The following UXS1 variants were observed in gnomAD, a reference collection of about 807,000 sequenced individuals.
The protein encoded by UXS1 is UDP-glucuronate decarboxylase 1, also known as UDP-glucuronic acid decarboxylase 1.
A neutral mutation model predicts 62.6 loss-of-function variants in UXS1; 33 were observed. The ratio of observed to expected loss-of-function variants is 0.53; its 90% confidence interval spans 0.40 to 0.70. The LOEUF is 0.70. Ranked by LOEUF, UXS1 falls within the 30% of genes least tolerant of loss-of-function variation. The pLI is 0.00. For synonymous variants in UXS1, 213 were observed against 206.8 expected, an observed-to-expected ratio of 1.03 and a Z score of -0.26; for missense variants, 434 against 556.3, an observed-to-expected ratio of 0.78 and a Z score of 2.21.
intron 10 of UXS1, among the ~76,000 whole-genome samples, chr2:106,108,660 C>T (rs544674707): frequency 1.1e-4 from 17 of 152,086 alleles, no homozygotes; most frequent in South Asian, 4.2e-4. Flanking sequence ...TACTGGGGGC[C>T]GGGGAACGAA....
intron 1 of UXS1, among the ~76,000 whole-genome samples, chr2:106,176,421 C>T (rs771192241): frequency 6.6e-6 from 1 of 152,172 alleles, no homozygotes; most frequent in Non-Finnish European, 1.5e-5. Flanking sequence ...CCAGAAGGTT[C>T]GAATTAGAAG....
intron 14 of UXS1, among the ~76,000 whole-genome samples, 161 bp downstream of exon 14, chr2:106,096,555 GGA>G (rs1436294696): frequency 6.6e-6 from 1 of 152,202 alleles, no homozygotes; most frequent in Non-Finnish European, 1.5e-5. Flanking sequence ...TCCTGATACA[GGA>G]GAGGCTGTTT....
intron 1 of UXS1, among the ~76,000 whole-genome samples, chr2:106,172,830 G>A (rs1683649636): frequency 6.6e-6 from 1 of 152,184 alleles, no homozygotes; most frequent in Non-Finnish European, 1.5e-5. Flanking sequence ...TCCAGGCTCA[G>A]GCCATCTGCC....
At chr2:106,147,521 T>A (rs766191802) in intron 5 of UXS1, among the ~76,000 whole-genome samples, 6 of 152,094 alleles carry the variant, frequency 3.9e-5, no homozygotes, top group Non-Finnish European at 8.8e-5. Context: ...AGGTCAAGGC[T>A]GCAGTGAGTG....
intron 1 of UXS1, among the ~76,000 whole-genome samples, chr2:106,190,519 G>T (rs1472603016): frequency 6.6e-6 from 1 of 152,134 alleles, no homozygotes; most frequent in Non-Finnish European, 1.5e-5. Flanking sequence ...GCTGAGGTAG[G>T]CAGATCACCT....
At chr2:106,134,231 G>C (rs1680556332) in intron 6 of UXS1, among the ~76,000 whole-genome samples, 2 of 117,482 alleles carry the variant, frequency 1.7e-5, no homozygotes, top group Admixed American at 9.2e-5. Flanking sequence ...TCTCTGAATA[G>C]ACCAATAACA....
intron 9 of UXS1, among the ~76,000 whole-genome samples, chr2:106,119,712 A>G (rs940450871): frequency 2.6e-5 from 4 of 152,106 alleles, no homozygotes; most frequent in African/African-American, 9.7e-5. Flanking sequence ...TTTGCCCCAG[A>G]TCAAGCCACA....
chr2:106,109,571 C>A (rs1678408934), intron 10 of UXS1, among the ~76,000 whole-genome samples: 1 of 152,222 alleles, frequency 6.6e-6, no homozygotes. Context: ...CATAACTGAA[C>A]TGTGGACCAA....
At chr2:106,190,391 C>G (rs6726248) in intron 1 of UXS1, among the ~76,000 whole-genome samples, 62,326 of 151,928 alleles carry the variant, frequency 0.41, 12,969 homozygotes, top group East Asian at 0.58. Flanking sequence ...ACTGAAAAAT[C>G]AGGAAGCCAG....
chr2:106,158,013 A>G (rs1172740760), intron 5 of UXS1, 45 bp downstream of exon 5: 1 of 1,465,244 alleles, frequency 6.8e-7, no homozygotes, highest in Admixed American at 2.0e-5. Context: ...ACGAAAAAAG[A>G]AAGTTTCTTA....
intron 6 of UXS1, among the ~76,000 whole-genome samples, chr2:106,130,644 G>A (rs142814749): frequency 3.3e-5 from 5 of 152,294 alleles, no homozygotes; most frequent in Admixed American, 3.3e-4. Context: ...CCCTCTGCCC[G>A]GGCCTTCCGG....
At chr2:106,178,006 G>A (rs1020397364) in intron 1 of UXS1, among the ~76,000 whole-genome samples, 5 of 152,216 alleles carry the variant, frequency 3.3e-5, no homozygotes, top group African/African-American at 1.2e-4. Flanking sequence ...ACAAAGAACA[G>A]AGTCAAATGC....
At chr2:106,158,853 A>C (rs1479786246) in intron 4 of UXS1, among the ~76,000 whole-genome samples, 1 of 152,212 alleles carries the variant, frequency 6.6e-6, no homozygotes, top group Non-Finnish European at 1.5e-5. Context: ...TGTGAATCCT[A>C]AGGAAACGGT....
intron 10 of UXS1, among the ~76,000 whole-genome samples, chr2:106,105,602 C>A (rs1217043417): frequency 1.3e-5 from 2 of 152,178 alleles, no homozygotes; most frequent in Non-Finnish European, 2.9e-5. Flanking sequence ...CCTTTGCCAA[C>A]TGCCCCCAAC....
At chr2:106,104,332 A>G (rs1677867789) in intron 11 of UXS1, among the ~76,000 whole-genome samples, 1 of 152,176 alleles carries the variant, frequency 6.6e-6, no homozygotes, top group South Asian at 2.1e-4. Flanking sequence ...CAAAAAATAT[A>G]TTTTTATCTG....
intron 10 of UXS1, among the ~76,000 whole-genome samples, chr2:106,111,532 G>A (rs1014554971): frequency 6.6e-6 from 1 of 152,184 alleles, no homozygotes; most frequent in Admixed American, 6.5e-5. Context: ...CACACACCAC[G>A]GAGAATGCTC....
intron 13 of UXS1, 101 bp from the exon 14 acceptor site, chr2:106,096,922 A>G (rs1677161266): frequency 8.7e-7 from 1 of 1,150,784 alleles, no homozygotes; most frequent in East Asian, 2.6e-5. Flanking sequence ...TGTGGTGTGA[A>G]TAGGGTGCAG....
Position 106,094,033 on chromosome 2 carries a change from T to A in UXS1, c.1271A>T (p.His424Leu). 1 of 1,612,194 alleles carries A rather than the reference T, an allele frequency of 6.2e-7. No homozygotes were observed. The highest frequency in any genetic ancestry group is 8.5e-7 in the Non-Finnish European group (1 of 1,179,476). ...GTCCTAAAAGTGAGGAGTTCAGCTGTGGCGAGTCCGTCCTTTCTTTATTCT... is the reference window on the plus strand; with the variant it reads ...GTCCTAAAAGTGAGGAGTTCAGCTGAGGCGAGTCCGTCCTTTCTTTATTCT... Reference protein sequence around the residue: ...PARIKKGRTRHS With the variant: ...PARIKKGRTRLS Residue 424 changes from histidine (H) to leucine (L), a missense_variant, in exon 15 of 15, where the codon CAC becomes CTC. This residue lies in a region of UXS1 where 209 missense variants were observed against 233.3 expected (regional missense o/e 0.90). Coordinates refer to ENST00000283148, the MANE Select transcript of UXS1 (RefSeq NM_001253875.2).
At chr2:106,121,984 C>T (rs957689206) in intron 9 of UXS1, among the ~76,000 whole-genome samples, 1 of 152,130 alleles carries the variant, frequency 6.6e-6, no homozygotes, top group African/African-American at 2.4e-5. Context: ...GGGGCTCTGC[C>T]GGGGCCTGAG....
Sources: allele counts gnomAD v4.1 joint callset (sites outside exome capture counted in the v4.1 genomes callset), GRCh38; gene constraint gnomAD v4.1.1; regional missense constraint gnomAD v4.1.1; transcripts MANE v1.5; gene names NCBI Gene and HGNC (gene_info 2026-07-23, HGNC 2026-07-21).